The following GTF3C6 variants were observed in gnomAD, a reference collection of about 807,000 sequenced individuals.
GTF3C6 encodes the protein general transcription factor 3C polypeptide 6.
In GTF3C6, 11 loss-of-function variants were observed where a neutral mutation model predicts 19.2. The observed-to-expected ratio is 0.57, with a 90% CI of 0.36 to 0.95. GTF3C6 has a LOEUF of 0.95. Among genes scored for constraint, GTF3C6 ranks in the 40% least tolerant of loss-of-function variants. The probability of loss-of-function intolerance (pLI) is 0.01; values close to 1 mark genes in which losing one functional copy is unlikely to be tolerated. For missense variants in GTF3C6, 222 were observed against 254.7 expected, an observed-to-expected ratio of 0.87 and a Z score of 0.87; for synonymous variants, 87 against 84.2, an observed-to-expected ratio of 1.03 and a Z score of -0.18.
chr6:110,962,329 G>A, intron 4 of GTF3C6, 63 bp from the exon 5 acceptor site: 1 of 844,670 alleles, frequency 1.2e-6, no homozygotes, highest in Non-Finnish European at 2.0e-6. Flanking sequence ...AATTACTAAG[G>A]CTTCATCTTT....
In GTF3C6 at chr6:110,960,410, G is replaced by T. The variant is rs768668088; in HGVS notation, c.139-4G>T. 5.0e-6 allele frequency: 8 copies of T among 1,608,640 alleles called. No individual in the cohort carries two copies. The highest frequency in any genetic ancestry group is 6.8e-6 in the Non-Finnish European group (8 of 1,176,750). ...TTTTTTTATGATCCTTTATTCTGTTGTAGGGCATTGACACTGAGAGGCCCA... is the reference window on the plus strand; with the variant it reads ...TTTTTTTATGATCCTTTATTCTGTTTTAGGGCATTGACACTGAGAGGCCCA... On this transcript the variant is annotated splice_polypyrimidine_tract_variant and splice_region_variant and intron_variant, in intron 2 of 5. Transcript: ENST00000329970.
intron 5 of GTF3C6, among the ~76,000 whole-genome samples, chr6:110,965,639 G>A (rs1344041528): frequency 6.6e-6 from 1 of 152,110 alleles, no homozygotes; most frequent in East Asian, 1.9e-4. Flanking sequence ...TTGAAAGGCT[G>A]ACTTGTATCA....
intron 3 of GTF3C6, 28 bp downstream of exon 3, chr6:110,960,505 C>A (rs1369892545): frequency 1.9e-6 from 3 of 1,612,662 alleles, no homozygotes; most frequent in Non-Finnish European, 2.5e-6. Context: ...AGATGGAACT[C>A]TTTCTGATAT....
chr6:110,965,133 CTTTT>C (rs57625165), intron 5 of GTF3C6, among the ~76,000 whole-genome samples: 3,299 of 126,096 alleles, frequency 0.026, 141 homozygotes, highest in African/African-American at 0.095. Flanking sequence ...CGCACCCAAC[CTTTT>C]TTTTTTTTTT....
chr6:110,958,892 G>A lies in GTF3C6; in HGVS notation c.57+66G>A. 3 of 1,506,146 alleles carry A rather than the reference G, an allele frequency of 2.0e-6. No homozygotes were observed. The South Asian group carries it at 3.7e-5, about 18-fold the overall frequency. The allele number at this position is 1,506,146 out of a possible 1,614,324, so 93.3% of individuals were successfully genotyped here. ...TGATGCCTGTGCTGGCTGTGTGTGG[G>A]GAAGGGAGTTGGGGAGCTGCGGGCC... is the stretch of plus-strand genomic sequence containing the variant. On this transcript the variant is annotated intron_variant, in intron 1 of 5. Transcript: ENST00000329970.
chr6:110,963,129 GCTGGTC>G (rs1687027637), intron 5 of GTF3C6, among the ~76,000 whole-genome samples: 2 of 152,088 alleles, frequency 1.3e-5, no homozygotes, highest in Non-Finnish European at 2.9e-5. Flanking sequence ...TGTTGGCCAG[GCTGGTC>G]TTAAACTCCT....
In GTF3C6 at chr6:110,960,581, G is replaced by A. The variant is rs775870152; in HGVS notation, c.212G>A (p.Gly71Glu). 7 of 1,613,690 alleles carry A rather than the reference G, an allele frequency of 4.3e-6. No homozygotes were observed. The highest frequency in any genetic ancestry group is 5.9e-6 in the Non-Finnish European group (7 of 1,179,698). The part of the protein sequence containing the change: ...VFAGEYEDTL[G>E]TCVIFEENVE... ...TTGTATTTTTCTGCAGACACTCTAG[G>A]GACCTGTGTTATATTTGAAGAAAAT... The change falls in exon 4 of 6, where the codon GGG (glycine) becomes GAG (glutamate). Residue 71 changes from glycine to glutamate, a missense_variant. By Grantham distance (98) the Gly-to-Glu change is moderately conservative. Transcript: ENST00000329970.
chr6:110,967,475 C>A lies in GTF3C6; in HGVS notation c.362-35C>A, dbSNP rs368330292. 3.2e-6 allele frequency: 5 copies of A among 1,541,664 alleles called. No homozygotes were observed. In the African/African-American group the frequency reaches 4.2e-5, roughly 13 times the overall value. ...ATATACTAAAATTCATTTTTTGTTT[C>A]TTTTTTTGTTTATTCCTCATCCCCT... On this transcript the variant is annotated intron_variant, in intron 5 of 5. Coordinates refer to ENST00000329970, the MANE Select transcript of GTF3C6 (RefSeq NM_138408.4).
At chr6:110,964,437 GT>G (rs1771202990) in intron 5 of GTF3C6, among the ~76,000 whole-genome samples, 2 of 151,838 alleles carry the variant, frequency 1.3e-5, no homozygotes, top group Admixed American at 1.3e-4. Flanking sequence ...TAGAGACAGG[GT>G]TTCACCATGT....
chr6:110,960,157 C>T (rs552240239), intron 2 of GTF3C6, among the ~76,000 whole-genome samples: 47 of 152,190 alleles, frequency 3.1e-4, no homozygotes, highest in African/African-American at 4.6e-4. Context: ...CTACTGTTGA[C>T]AAAACTTCCT....
At chr6:110,964,044 T>C (rs1402937872) in intron 5 of GTF3C6, among the ~76,000 whole-genome samples, 1 of 151,928 alleles carries the variant, frequency 6.6e-6, no homozygotes, top group Non-Finnish European at 1.5e-5. Flanking sequence ...GGACCACAGT[T>C]GTTAGTCCTC....
At chr6:110,962,899 C>T (rs1771180617) in intron 5 of GTF3C6, among the ~76,000 whole-genome samples, 1 of 152,218 alleles carries the variant, frequency 6.6e-6, no homozygotes, top group Non-Finnish European at 1.5e-5. Context: ...CTGCCTCAGC[C>T]TCCGGAGTAG....
At chr6:110,966,925 G>A (rs1771237148) in intron 5 of GTF3C6, among the ~76,000 whole-genome samples, 2 of 152,054 alleles carry the variant, frequency 1.3e-5, no homozygotes, top group South Asian at 4.1e-4. Flanking sequence ...GAGGTGAGGC[G>A]GGTGGATGGC....
In GTF3C6 at chr6:110,959,292, TTAAATG is replaced by T. The variant is rs570525598; in HGVS notation, c.138+45_138+50del. 8.4e-4 allele frequency: 1,023 copies of T among 1,216,980 alleles called. 3 individuals carry two copies. Among genetic ancestry groups the T allele is most frequent in the Non-Finnish European group, 1.2e-3 (974 of 828,416 alleles). The allele number at this position is 1,216,980 out of a possible 1,614,324, so 75.4% of individuals were successfully genotyped here. A position where few individuals can be genotyped will look rare whatever the true frequency, so the allele number is the denominator to read the frequency against. On this transcript the variant is annotated intron_variant, in intron 2 of 5. Coordinates refer to ENST00000329970, the MANE Select transcript of GTF3C6 (RefSeq NM_138408.4). ...CTTGGGGGGATTGTTCTAGAGTGTC[TTAAATG>T]TAAAACAAGAATCAATGGTGAAATA...
chr6:110,965,624 T>C (rs1771220366), intron 5 of GTF3C6, among the ~76,000 whole-genome samples: 1 of 152,210 alleles, frequency 6.6e-6, no homozygotes, highest in East Asian at 1.9e-4. Context: ...GGTTCTAGAA[T>C]AAACTTGAAA....
chr6:110,959,394 A>G, intron 2 of GTF3C6, 142 bp downstream of exon 2: 1 of 581,442 alleles, frequency 1.7e-6, no homozygotes. Context: ...GAAGTATACT[A>G]AGTATAATTA....
At chr6:110,962,810 G>A (rs1374942180) in intron 5 of GTF3C6, among the ~76,000 whole-genome samples, 2 of 151,360 alleles carry the variant, frequency 1.3e-5, no homozygotes, top group African/African-American at 2.4e-5. Flanking sequence ...ACGAAGTCTC[G>A]CACTGTCGCC....
intron 5 of GTF3C6, 35 bp from the exon 6 acceptor site, chr6:110,967,475 C>T (rs368330292): frequency 6.5e-7 from 1 of 1,541,766 alleles, no homozygotes; most frequent in Non-Finnish European, 8.7e-7. Context: ...TTTTTTGTTT[C>T]TTTTTTTGTT....
intron 5 of GTF3C6, among the ~76,000 whole-genome samples, chr6:110,967,045 CG>C (rs1562359822): frequency 1.3e-5 from 2 of 151,834 alleles, no homozygotes; most frequent in South Asian, 2.1e-4. Context: ...CCCAGCTACT[CG>C]GGGGGCTGAG....
Sources: gnomAD v4.1 joint callset for allele counts (sites outside exome capture counted in the v4.1 genomes callset) on GRCh38, gnomAD v4.1.1 for gene constraint, MANE v1.5 for transcripts, NCBI Gene and HGNC (gene_info 2026-07-23, HGNC 2026-07-21) for gene names.